FBXO15: variants seen among roughly 807,000 people sequenced by gnomAD.
FBXO15 encodes the protein F-box only protein 15.
FBXO15 carries 30 observed loss-of-function variants against 49.5 expected under a neutral mutation model. That is an observed-to-expected ratio of 0.61 (90% CI 0.45 to 0.82). The LOEUF (loss-of-function observed/expected upper bound fraction) is 0.82, where lower values mean the gene tolerates loss of function less well. Among genes scored for constraint, FBXO15 ranks in the 40% least tolerant of loss-of-function variants. The probability of loss-of-function intolerance (pLI) is 0.00; values close to 1 mark genes in which losing one functional copy is unlikely to be tolerated. For missense variants in FBXO15, 591 were observed against 631.5 expected (o/e 0.94, Z 0.69); for synonymous variants, 250 against 232.7 (o/e 1.07, Z -0.68).
chr18:74,132,259 A>G (rs1352102264), intron 3 of FBXO15, among the ~76,000 whole-genome samples: 1 of 152,214 alleles, frequency 6.6e-6, no homozygotes, highest in African/African-American at 2.4e-5. Flanking sequence ...CTTTGCATAA[A>G]AGCTTGCTTG....
intron 1 of FBXO15, among the ~76,000 whole-genome samples, chr18:74,146,437 A>G (rs902633425): frequency 1.3e-5 from 2 of 152,232 alleles, no homozygotes; most frequent in African/African-American, 4.8e-5. Flanking sequence ...TCAATCCAGG[A>G]AGTTCACTCA....
At chr18:74,093,608 C>T (rs1025371152) in intron 8 of FBXO15, among the ~76,000 whole-genome samples, 7 of 152,228 alleles carry the variant, frequency 4.6e-5, no homozygotes, top group African/African-American at 1.7e-4. Context: ...AACTCCTTAT[C>T]CATTCAAGTT....
At chr18:74,087,281 G>A (rs1005016271) in intron 8 of FBXO15, among the ~76,000 whole-genome samples, 2 of 152,212 alleles carry the variant, frequency 1.3e-5, no homozygotes, top group South Asian at 4.2e-4. Context: ...GTGGAGGTTT[G>A]TTATATAGGT....
intron 2 of FBXO15, among the ~76,000 whole-genome samples, chr18:74,138,589 G>A (rs909915767): frequency 6.6e-6 from 1 of 151,868 alleles, no homozygotes. Context: ...ACCTCACCCA[G>A]CTCCATGACT....
chr18:74,113,415 C>A (rs991228125), intron 8 of FBXO15, among the ~76,000 whole-genome samples: 1 of 152,052 alleles, frequency 6.6e-6, no homozygotes, highest in Admixed American at 6.5e-5. Context: ...ATATATAACA[C>A]CAAGAGTAAA....
At chr18:74,104,501 A>C (rs1043842152) in intron 8 of FBXO15, among the ~76,000 whole-genome samples, 2 of 152,148 alleles carry the variant, frequency 1.3e-5, no homozygotes, top group African/African-American at 4.8e-5. Flanking sequence ...ATGGATAAAG[A>C]AATAGAATCT....
chr18:74,095,096 G>A (rs930981836), intron 8 of FBXO15, among the ~76,000 whole-genome samples: 5 of 152,206 alleles, frequency 3.3e-5, no homozygotes, highest in African/African-American at 1.2e-4. Flanking sequence ...GAATAAAAGG[G>A]AGTTAGGTCC....
intron 3 of FBXO15, among the ~76,000 whole-genome samples, chr18:74,131,404 C>T (rs377315713): frequency 8.5e-5 from 13 of 152,200 alleles, no homozygotes; most frequent in East Asian, 5.8e-4. Context: ...AAGCTGGGAT[C>T]GGAACCAGAG....
chr18:74,113,325 G>A (rs1914107740), intron 8 of FBXO15, among the ~76,000 whole-genome samples: 1 of 152,170 alleles, frequency 6.6e-6, no homozygotes, highest in Non-Finnish European at 1.5e-5. Context: ...AAGCTCAGAG[G>A]ATTTTTAGGG....
At chr18:74,107,297 C>T (rs919560903) in intron 8 of FBXO15, among the ~76,000 whole-genome samples, 2 of 151,508 alleles carry the variant, frequency 1.3e-5, no homozygotes, top group African/African-American at 2.4e-5. Flanking sequence ...ACAAATACCG[C>T]ATGATCCCAC....
chr18:74,075,833 T>G lies in FBXO15; in HGVS notation c.1264-2103A>C, dbSNP rs1217051052. 6.6e-6 allele frequency among the ~76,000 whole-genome samples: 1 copy of G among 152,182 alleles called. No individual in the cohort carries two copies. The highest frequency in any genetic ancestry group is 2.4e-5 in the African/African-American group (1 of 41,450). On this transcript the variant is annotated intron_variant, in intron 9 of 9. Coordinates refer to ENST00000419743, the MANE Select transcript of FBXO15 (RefSeq NM_001142958.2). This position sits in a 1 kb window ranked among gnomAD's most constrained non-coding sequence, Gnocchi z 4.1. ...TACAGCTTGGTCCTAGGCCCTATTT[T>G]CACTCTATGTAATCTCTCCCCATAA...
chr18:74,101,084 C>T (rs1913496150), intron 8 of FBXO15, among the ~76,000 whole-genome samples: 1 of 152,096 alleles, frequency 6.6e-6, no homozygotes, highest in Admixed American at 6.6e-5. Flanking sequence ...CATACTAAAA[C>T]CAGGATAGGA....
intron 8 of FBXO15, among the ~76,000 whole-genome samples, chr18:74,116,424 T>C (rs1914231596): frequency 6.6e-6 from 1 of 152,334 alleles, no homozygotes. Context: ...TTAATAGGAT[T>C]GCAATGACTT....
At chr18:74,147,084 C>T (rs1475302678) in intron 1 of FBXO15, 1 of 152,182 alleles carries the variant, frequency 6.6e-6, no homozygotes. Context: ...TACTTCTTCA[C>T]GCTGAAGATG....
At chr18:74,115,303 A>G (rs1244376324) in intron 8 of FBXO15, among the ~76,000 whole-genome samples, 1 of 152,168 alleles carries the variant, frequency 6.6e-6, no homozygotes, top group African/African-American at 2.4e-5. Context: ...TTTACCACTG[A>G]GTCAGTTTGG....
At chr18:74,117,550 G>GA (rs1372586534) in intron 8 of FBXO15, among the ~76,000 whole-genome samples, 2 of 152,042 alleles carry the variant, frequency 1.3e-5, no homozygotes, top group Non-Finnish European at 2.9e-5. Context: ...CAGGAAGCAG[G>GA]ACATACCCAG....
intron 5 of FBXO15, 48 bp from the exon 6 acceptor site, chr18:74,126,149 G>A (rs763014881): frequency 6.2e-7 from 1 of 1,605,402 alleles, no homozygotes; most frequent in Non-Finnish European, 8.5e-7. Flanking sequence ...GAGCTTTCCT[G>A]TCCATAGTGT....
At position 74,101,286 on chromosome 18, in the gene FBXO15, A is replaced by C. The variant is rs149500897; in HGVS notation, c.1139-19235T>G. 9.6e-3 allele frequency among the ~76,000 whole-genome samples: 1,464 copies of C among 152,292 alleles called. 16 individuals carry two copies. The highest frequency in any genetic ancestry group is 0.016 in the Non-Finnish European group (1,079 of 67,994). ...GCCAATAAATGTGATACACCACATA[A>C]ACAGAATTACAAACAAAAATCACAT... On this transcript the variant is annotated intron_variant, in intron 8 of 9. Transcript: ENST00000419743.
intron 2 of FBXO15, among the ~76,000 whole-genome samples, chr18:74,139,266 T>A (rs1978916255): frequency 1.3e-5 from 2 of 152,214 alleles, no homozygotes; most frequent in South Asian, 4.1e-4. Flanking sequence ...ATCATCAGCT[T>A]CATGAGAACA....
Sources: allele counts gnomAD v4.1 joint callset (sites outside exome capture counted in the v4.1 genomes callset), GRCh38; gene constraint gnomAD v4.1.1; non-coding constraint Gnocchi (gnomAD v3.1); transcripts MANE v1.5; gene names NCBI Gene and HGNC (gene_info 2026-07-23, HGNC 2026-07-21).